CACNA1A: variants seen among roughly 807,000 people sequenced by gnomAD.
CACNA1A encodes the protein calcium voltage-gated channel subunit alpha1 A.
CACNA1A carries 57 observed loss-of-function variants against 262.4 expected under a neutral mutation model. The ratio of observed to expected loss-of-function variants is 0.22; its 90% CI spans 0.18 to 0.27. CACNA1A has a LOEUF of 0.27. CACNA1A is among the 10% of genes least tolerant of loss of function. The pLI is 1.00. For missense variants in CACNA1A, 2,526 were observed against 3,562.8 expected, an observed-to-expected ratio of 0.71 and a Z score of 7.41; for synonymous variants, 1,431 against 1,419.3, an observed-to-expected ratio of 1.01 and a Z score of -0.18.
At chr19:13,462,416 A>G (rs1042221361) in intron 1 of CACNA1A, among the ~76,000 whole-genome samples, 3 of 152,162 alleles carry the variant, frequency 2.0e-5, no homozygotes, top group African/African-American at 7.2e-5. Flanking sequence ...AGGGTACCAG[A>G]ACCCTAGATA....
At chr19:13,335,651 G>A (rs562931806) in intron 7 of CACNA1A, among the ~76,000 whole-genome samples, 155 bp downstream of exon 7, 1 of 152,296 alleles carries the variant, frequency 6.6e-6, no homozygotes, top group South Asian at 2.1e-4. Context: ...CTCTGCACCT[G>A]TGCATGGCTT....
chr19:13,275,179 T>C (rs965715748), intron 24 of CACNA1A: 2 of 151,008 alleles, frequency 1.3e-5, no homozygotes, highest in African/African-American at 4.9e-5. Context: ...CACCCCAAAT[T>C]CAGAGGCCAT....
chr19:13,458,841 T>A (rs1486210420), intron 1 of CACNA1A, among the ~76,000 whole-genome samples: 1 of 152,252 alleles, frequency 6.6e-6, no homozygotes, highest in Admixed American at 6.5e-5. Context: ...GCTCTGCATA[T>A]GGATCTGGCA....
intron 20 of CACNA1A, among the ~76,000 whole-genome samples, chr19:13,286,269 G>A (rs910198773): frequency 2.0e-5 from 3 of 152,164 alleles, no homozygotes; most frequent in African/African-American, 4.8e-5. Flanking sequence ...AAGGAAGGAC[G>A]TAGAAGATAT....
chr19:13,251,617 TG>T (rs758128997), intron 30 of CACNA1A, among the ~76,000 whole-genome samples: 1 of 152,302 alleles, frequency 6.6e-6, no homozygotes, highest in Non-Finnish European at 1.5e-5. Context: ...TAATGCAGTA[TG>T]AAAATATCTG....
chr19:13,335,131 T>C (rs2058541249), intron 7 of CACNA1A, among the ~76,000 whole-genome samples: 1 of 152,220 alleles, frequency 6.6e-6, no homozygotes, highest in Non-Finnish European at 1.5e-5. Flanking sequence ...TTCATACTTT[T>C]GGCTAATAAT....
At chr19:13,377,248 C>T (rs1448073430) in intron 3 of CACNA1A, among the ~76,000 whole-genome samples, 2 of 152,000 alleles carry the variant, frequency 1.3e-5, no homozygotes, top group East Asian at 3.9e-4. Flanking sequence ...AGGTGCGAGC[C>T]ACTGTACCCA....
chr19:13,291,632 C>CT lies in CACNA1A; in HGVS notation c.3090-4667dup, dbSNP rs1388695707. On this transcript the variant is annotated intron_variant, in intron 19 of 46. Transcript: ENST00000360228. Reference sequence around the variant, plus strand: ...TGGGGAACATAGTGAGACCCCATCTCTAAAAAAAAAAAAAAAAAAAAAAAA... The same window carrying CT: ...TGGGGAACATAGTGAGACCCCATCTCTTAAAAAAAAAAAAAAAAAAAAAAAA... 4.6e-5 allele frequency among the ~76,000 whole-genome samples: 4 copies of CT among 86,552 alleles called. No individual in the cohort carries two copies. In the East Asian group the frequency reaches 2.0e-3, roughly 43 times the overall value. 56.8% of individuals were successfully genotyped at this position (86,552 alleles called of 152,430 possible).
At chr19:13,248,341 C>T (rs1370574776) in intron 30 of CACNA1A, among the ~76,000 whole-genome samples, 3 of 136,706 alleles carry the variant, frequency 2.2e-5, no homozygotes, top group African/African-American at 8.2e-5. Flanking sequence ...TTTGGGAGGC[C>T]AAGGAGGGAG....
intron 19 of CACNA1A, among the ~76,000 whole-genome samples, chr19:13,291,019 G>A (rs1373448079): frequency 6.6e-6 from 1 of 152,154 alleles, no homozygotes; most frequent in Non-Finnish European, 1.5e-5. Flanking sequence ...AGCCTGCAGA[G>A]GCCTAATATC....
chr19:13,214,577 C>T lies in CACNA1A; in HGVS notation c.5763G>A (p.Glu1921=). ...AAATCGCCATCATCTCCTTCCGCAG[C>T]TCAGCGTCCATCTGCTGTTTGTCGG... ...GGADKQQMDA[E]LRKEMMAIWP... Residue 1921 remains glutamate, a synonymous_variant, in exon 39 of 47, where the codon GAG becomes GAA. Coordinates refer to ENST00000360228, the MANE Select transcript of CACNA1A (RefSeq NM_001127222.2). The surrounding 1 kb of genome is among the most constrained non-coding windows in gnomAD (Gnocchi z 4.1). 6.2e-7 allele frequency: 1 copy of T among 1,613,966 alleles called. No individual in the cohort carries two copies.
intron 31 of CACNA1A, among the ~76,000 whole-genome samples, chr19:13,237,581 T>C (rs1005760210): frequency 3.3e-5 from 5 of 152,140 alleles, no homozygotes; most frequent in Non-Finnish European, 7.4e-5. Flanking sequence ...CCTCTGGGTT[T>C]GATGGCAATG....
chr19:13,415,466 C>T (rs1023959764), intron 3 of CACNA1A, among the ~76,000 whole-genome samples: 4 of 151,616 alleles, frequency 2.6e-5, no homozygotes, highest in African/African-American at 9.7e-5. Context: ...TGAGGCCAGG[C>T]GTGGTGGCTC....
chr19:13,335,662 G>T, intron 7 of CACNA1A, 144 bp downstream of exon 7: 1 of 658,306 alleles, frequency 1.5e-6, no homozygotes, highest in Non-Finnish European at 2.8e-6. Flanking sequence ...TGCATGGCTT[G>T]CTAATAACAG....
chr19:13,208,656 G>T, intron 46 of CACNA1A, 100 bp downstream of exon 46: 5 of 1,379,684 alleles, frequency 3.6e-6, no homozygotes, highest in Non-Finnish European at 4.8e-6. Context: ...GCCGGGATCC[G>T]GGGACCTTTG....
intron 6 of CACNA1A, among the ~76,000 whole-genome samples, chr19:13,352,283 TA>T (rs1253165188): frequency 1.3e-5 from 2 of 151,740 alleles, no homozygotes; most frequent in Admixed American, 1.3e-4. Flanking sequence ...GGTGCATGCC[TA>T]TAGTCCCAGC....
intron 12 of CACNA1A, among the ~76,000 whole-genome samples, chr19:13,312,227 C>G (rs889953186): frequency 1.3e-5 from 2 of 152,100 alleles, no homozygotes; most frequent in African/African-American, 4.8e-5. Flanking sequence ...AACAAAGGAC[C>G]ATAATGGCTC....
At chr19:13,215,721 A>T (rs1055552620) in intron 38 of CACNA1A, among the ~76,000 whole-genome samples, 3 of 149,980 alleles carry the variant, frequency 2.0e-5, no homozygotes, top group African/African-American at 7.4e-5. Flanking sequence ...GGTTCAAGAG[A>T]TTCTCCCGCT....
rs540418372 is a variant in CACNA1A at position 13,464,543 on chromosome 19, A to ATTTTTTTTTTTT, written c.294-9343_294-9332dup. ...CTGCTAATAGTAAATAACTTTTCCA[A>ATTTTTTTTTTTT]TTTTTTTTTTTTTTTTTTTTTTAGA... On this transcript the variant is annotated intron_variant, in intron 1 of 46. Coordinates refer to ENST00000360228, the MANE Select transcript of CACNA1A (RefSeq NM_001127222.2). 3.8e-4 allele frequency among the ~76,000 whole-genome samples: 49 copies of ATTTTTTTTTTTT among 128,940 alleles called. 2 individuals are homozygous for ATTTTTTTTTTTT. Among genetic ancestry groups the ATTTTTTTTTTTT allele is most frequent in the Non-Finnish European group, 3.2e-4 (20 of 62,546 alleles). 84.6% of individuals were successfully genotyped at this position (128,940 alleles called of 152,430 possible).
Sources: allele counts gnomAD v4.1 joint callset (sites outside exome capture counted in the v4.1 genomes callset), GRCh38; gene constraint gnomAD v4.1.1; non-coding constraint Gnocchi (gnomAD v3.1); transcripts MANE v1.5; gene names NCBI Gene and HGNC (gene_info 2026-07-23, HGNC 2026-07-21).